Variants in MAP3K21 observed in about 807,000 individuals in gnomAD.
MAP3K21 encodes the protein mitogen-activated protein kinase kinase kinase 21.
MAP3K21 carries 63 observed loss-of-function variants against 86.1 expected under a neutral mutation model. The ratio of observed to expected loss-of-function variants is 0.73; its 90% CI spans 0.60 to 0.90. The LOEUF (loss-of-function observed/expected upper bound fraction) is 0.90. MAP3K21 is among the 40% of genes least tolerant of loss of function. MAP3K21 has a pLI of 0.00. For missense variants in MAP3K21, 1,220 were observed against 1,367.7 expected (o/e 0.89, Z 1.70); for synonymous variants, 558 against 564.8 (o/e 0.99, Z 0.17).
At chr1:233,381,935 T>C (rs1316169254) in intron 9 of MAP3K21, among the ~76,000 whole-genome samples, 2 of 152,250 alleles carry the variant, frequency 1.3e-5, no homozygotes, top group Non-Finnish European at 1.5e-5. Flanking sequence ...GCTACCGTTA[T>C]AATATCATTA....
intron 2 of MAP3K21, among the ~76,000 whole-genome samples, chr1:233,350,457 G>A (rs1358424081): frequency 6.6e-6 from 1 of 151,960 alleles, no homozygotes; most frequent in Non-Finnish European, 1.5e-5. Flanking sequence ...TCATCTCTTT[G>A]AATTATAGAT....
chr1:233,354,104 C>G (rs1475713845), intron 3 of MAP3K21, 149 bp downstream of exon 3: 7 of 989,040 alleles, frequency 7.1e-6, no homozygotes, highest in Non-Finnish European at 9.6e-6. Flanking sequence ...GAAACCTAGT[C>G]TTTGATCTGG....
In MAP3K21 at chr1:233,379,336, C is replaced by T. The variant is rs909181802; in HGVS notation, c.2330C>T (p.Pro777Leu). ...ASKSRRSASP[P>L]TSLPSTCGEA... ...AAGTCCCGCAGAAGCGCCAGTCCTC[C>T]CACAAGCCTGCCATCCACCTGTGGG... Residue 777 changes from proline (P) to leucine (L), a missense_variant, in exon 9 of 10, where the codon CCC becomes CTC. Physicochemically the swap from Pro to Leu is moderately conservative, Grantham distance 98 (BLOSUM62 -3). Transcript: ENST00000366624. The T allele has an allele frequency of 3.1e-6, 5 of 1,614,194 alleles. No homozygotes were observed. The highest frequency in any genetic ancestry group is 4.2e-6 in the Non-Finnish European group (5 of 1,180,020).
intron 3 of MAP3K21, among the ~76,000 whole-genome samples, 190 bp from the exon 4 acceptor site, chr1:233,354,646 A>T (rs1663314200): frequency 6.6e-6 from 1 of 152,224 alleles, no homozygotes; most frequent in African/African-American, 2.4e-5. Flanking sequence ...TGACATGGAC[A>T]CTATGTAAAA....
intron 1 of MAP3K21, among the ~76,000 whole-genome samples, chr1:233,329,149 A>G (rs982499942): frequency 1.1e-4 from 17 of 152,242 alleles, no homozygotes; most frequent in South Asian, 2.1e-4. Flanking sequence ...TTTCAATACC[A>G]GAGGTGATTC....
chr1:233,329,258 CG>C (rs1662766358), intron 1 of MAP3K21, among the ~76,000 whole-genome samples: 1 of 152,114 alleles, frequency 6.6e-6, no homozygotes, highest in Non-Finnish European at 1.5e-5. Flanking sequence ...CGAATGCACT[CG>C]GGGACGTCAA....
chr1:233,338,502 G>A (rs1662959170), intron 1 of MAP3K21, among the ~76,000 whole-genome samples: 1 of 152,176 alleles, frequency 6.6e-6, no homozygotes. Flanking sequence ...TGCAAAGGAG[G>A]ATGGAAATGT....
In MAP3K21 at chr1:233,383,220, G is replaced by GA. The variant is rs1469315296; in HGVS notation, c.*510dup. On this transcript the variant is annotated 3_prime_UTR_variant, in exon 10 of 10. Coordinates refer to ENST00000366624, the MANE Select transcript of MAP3K21 (RefSeq NM_032435.3). The stretch of plus-strand genomic sequence containing the variant: ...TTTAGTTTCTTGGCAAGAATAATGT[G>GA]ATATTAGTAAGTAAAGGTCTTAAAA... The GA allele has an allele frequency of 7.5e-6, 1 of 133,096 alleles. No individual in the cohort carries two copies. The highest frequency in any genetic ancestry group is 3.0e-5 in the African/African-American group (1 of 33,244). 8.2% of individuals were successfully genotyped at this position (133,096 alleles called of 1,614,324 possible). A position where few individuals can be genotyped will look rare whatever the true frequency, so the allele number is the denominator to read the frequency against.
At chr1:233,363,395 T>C (rs1292928573) in intron 5 of MAP3K21, among the ~76,000 whole-genome samples, 1 of 152,116 alleles carries the variant, frequency 6.6e-6, no homozygotes, top group East Asian at 1.9e-4. Context: ...CCTCAGTTGA[T>C]CAAAAAATTG....
At chr1:233,351,473 A>G (rs1663251594) in intron 2 of MAP3K21, among the ~76,000 whole-genome samples, 1 of 152,130 alleles carries the variant, frequency 6.6e-6, no homozygotes, top group African/African-American at 2.4e-5. Context: ...TAGGTGGATC[A>G]CAAGGTCAGG....
At position 233,372,046 on chromosome 1, in the gene MAP3K21, C is replaced by A; in HGVS notation, c.1561C>A (p.His521Asn). Residue 521 changes from histidine (H) to asparagine (N), a missense_variant, in exon 6 of 10, where the codon CAC becomes AAC. Coordinates refer to ENST00000366624, the MANE Select transcript of MAP3K21 (RefSeq NM_032435.3). ...HRISLPSDFQHKITVQASPNL... is the reference protein window; with the variant it reads ...HRISLPSDFQNKITVQASPNL... Reference sequence around the variant, plus strand: ...CTTTTTGCCTCCAACAGATTTCCAGCACAAGATAACCGTGCAGGCCTCTCC... The same window carrying A: ...CTTTTTGCCTCCAACAGATTTCCAGAACAAGATAACCGTGCAGGCCTCTCC... The A allele has an allele frequency of 6.2e-7, 1 of 1,611,218 alleles. No individual in the cohort carries two copies. Among genetic ancestry groups the A allele is most frequent in the South Asian group, 1.1e-5 (1 of 90,404 alleles).
At chr1:233,354,397 T>A (rs1663308145) in intron 3 of MAP3K21, among the ~76,000 whole-genome samples, 1 of 152,254 alleles carries the variant, frequency 6.6e-6, no homozygotes, top group Non-Finnish European at 1.5e-5. Flanking sequence ...AAGCCGCAAG[T>A]TGCCTTCCTT....
chr1:233,355,102 A>C, intron 4 of MAP3K21, 91 bp downstream of exon 4: 1 of 934,002 alleles, frequency 1.1e-6, no homozygotes, highest in African/African-American at 1.7e-5. Context: ...ATTATTCAAA[A>C]ATATCTTTAG....
At chr1:233,339,127 G>GT (rs1375081345) in intron 1 of MAP3K21, among the ~76,000 whole-genome samples, 1 of 152,056 alleles carries the variant, frequency 6.6e-6, no homozygotes, top group African/African-American at 2.4e-5. Flanking sequence ...ATGATCAACC[G>GT]TATCAAATGC....
chr1:233,332,530 T>C (rs1572236577), intron 1 of MAP3K21, among the ~76,000 whole-genome samples: 1 of 151,838 alleles, frequency 6.6e-6, no homozygotes, highest in African/African-American at 2.4e-5. Flanking sequence ...TCACTTGGAG[T>C]GATGGTGCTG....
intron 5 of MAP3K21, among the ~76,000 whole-genome samples, chr1:233,364,918 A>T (rs1014763352): frequency 6.6e-6 from 1 of 152,180 alleles, no homozygotes; most frequent in African/African-American, 2.4e-5. Flanking sequence ...TCATCTTAAT[A>T]TTAATAATAC....
intron 3 of MAP3K21, 128 bp from the exon 4 acceptor site, chr1:233,354,708 A>G (rs1663315053): frequency 1.3e-6 from 1 of 742,154 alleles, no homozygotes. Context: ...AGGAGCAGAT[A>G]CTATAAATGG....
intron 2 of MAP3K21, among the ~76,000 whole-genome samples, chr1:233,347,843 C>A (rs539213798): frequency 6.6e-6 from 1 of 151,916 alleles, no homozygotes; most frequent in Non-Finnish European, 1.5e-5. Context: ...CACGACATAC[C>A]CAGGTAATAC....
In MAP3K21 at chr1:233,382,343, C is replaced by G. The variant is rs200883983; in HGVS notation, c.2743C>G (p.Leu915Val). The change falls in exon 10 of 10, where the codon CTG (leucine) becomes GTG (valine). Residue 915 changes from leucine (L) to valine (V), a missense_variant. Coordinates refer to ENST00000366624, the MANE Select transcript of MAP3K21 (RefSeq NM_032435.3). ...TATCTCAGCCACTGGAGCCTCTGCA[C>G]TGCCACTCTGCCCCTCACCTGCTCC... is the stretch of plus-strand genomic sequence containing the variant. The part of the protein sequence containing the change: ...TIISATGASA[L>V]PLCPSPAPHS... 1 of 1,614,008 alleles carries G rather than the reference C, an allele frequency of 6.2e-7. No homozygotes were observed. Among genetic ancestry groups the G allele is most frequent in the Middle Eastern group, 1.6e-4 (1 of 6,084 alleles).
Sources: gnomAD v4.1 joint callset for allele counts (sites outside exome capture counted in the v4.1 genomes callset) on GRCh38, gnomAD v4.1.1 for gene constraint, MANE v1.5 for transcripts, NCBI Gene and HGNC (gene_info 2026-07-23, HGNC 2026-07-21) for gene names.